The following CEP63 variants were observed in gnomAD, a reference collection of about 807,000 sequenced individuals.
CEP63 encodes centrosomal protein of 63 kDa.
In CEP63, 84 loss-of-function variants were observed where a neutral mutation model predicts 89.1. The observed-to-expected ratio is 0.94, with a 90% CI of 0.79 to 1.13. CEP63 has a LOEUF of 1.13. CEP63 is among the 50% of genes most tolerant of loss of function. The pLI is 0.00. For missense variants in CEP63, 838 were observed against 813.3 expected (o/e 1.03, Z -0.37); for synonymous variants, 267 against 272.5 (o/e 0.98, Z 0.20).
At chr3:134,732,589 C>T in the CEP63 span, among the ~76,000 whole-genome samples, 1 of 150,936 alleles carries the variant, frequency 6.6e-6, no homozygotes, top group Non-Finnish European at 1.5e-5. Flanking sequence ...CAGAAAAAGA[C>T]CCAAAATAAT....
the CEP63 span, among the ~76,000 whole-genome samples, chr3:134,656,290 G>T: frequency 6.6e-6 from 1 of 152,198 alleles, no homozygotes; most frequent in Admixed American, 6.5e-5. Context: ...AATAGGAGGA[G>T]CTGGAAGGAG....
At chr3:134,748,754 G>A in the CEP63 span, among the ~76,000 whole-genome samples, 2 of 152,204 alleles carry the variant, frequency 1.3e-5, no homozygotes, top group Non-Finnish European at 2.9e-5. Flanking sequence ...GGGTGCTAGG[G>A]TTCTGAAGTG....
At chr3:134,632,443 TAAA>T in the CEP63 span, among the ~76,000 whole-genome samples, 1 of 151,744 alleles carries the variant, frequency 6.6e-6, no homozygotes, top group African/African-American at 2.4e-5. Flanking sequence ...AAACTAGAAG[TAAA>T]AAACAGAAAG....
At chr3:134,636,514 A>G in the CEP63 span, among the ~76,000 whole-genome samples, 3 of 152,330 alleles carry the variant, frequency 2.0e-5, no homozygotes, top group East Asian at 5.8e-4. Flanking sequence ...GCCAGGTTGT[A>G]GATGAGAGCC....
the CEP63 span, among the ~76,000 whole-genome samples, chr3:134,743,413 G>A: frequency 8.7e-4 from 133 of 152,222 alleles, 1 homozygote; most frequent in East Asian, 0.025. Flanking sequence ...AGGCTGGGAG[G>A]GCTCCTGACA....
the CEP63 span, among the ~76,000 whole-genome samples, chr3:134,696,389 G>A: frequency 6.6e-6 from 1 of 152,174 alleles, no homozygotes; most frequent in Non-Finnish European, 1.5e-5. Context: ...AATGTCTCAG[G>A]GCTGTTGGTT....
intron 10 of CEP63, 37 bp from the exon 11 acceptor site, chr3:134,550,026 C>T (rs1263374302): frequency 6.8e-7 from 1 of 1,470,610 alleles, no homozygotes; most frequent in East Asian, 2.3e-5. Context: ...AATGCTTTCT[C>T]TTAACTTTTG....
In CEP63 at chr3:134,562,331, C is replaced by T. The variant is rs906571782; in HGVS notation, c.*796C>T. On this transcript the variant is annotated 3_prime_UTR_variant, in exon 15 of 15. Transcript: ENST00000675561. ...TGTGGAGAGAGAGAGGAGCAGGAGG[C>T]TGGGTTTGGGGCCCTGAAAGATGCC... is the stretch of plus-strand genomic sequence containing the variant. 1.6e-6 allele frequency: 1 copy of T among 643,054 alleles called. No individual in the cohort carries two copies. Among genetic ancestry groups the T allele is most frequent in the African/African-American group, 2.0e-5 (1 of 50,438 alleles). 39.8% of individuals were successfully genotyped at this position (643,054 alleles called of 1,614,324 possible). A position where few individuals can be genotyped will look rare whatever the true frequency, so the allele number is the denominator to read the frequency against.
chr3:134,777,549 G>T, the CEP63 span, among the ~76,000 whole-genome samples: 1 of 151,386 alleles, frequency 6.6e-6, no homozygotes, highest in East Asian at 1.9e-4. Flanking sequence ...CATGGAAATG[G>T]TGAGTATTGT....
the CEP63 span, among the ~76,000 whole-genome samples, chr3:134,697,302 C>T: frequency 6.6e-6 from 1 of 152,038 alleles, no homozygotes; most frequent in Admixed American, 6.5e-5. Context: ...AAGAGATAAG[C>T]TTAGTGTTGG....
chr3:134,579,061 C>T (rs1381747703), downstream of CEP63, among the ~76,000 whole-genome samples: 1 of 152,246 alleles, frequency 6.6e-6, no homozygotes, highest in Non-Finnish European at 1.5e-5. Context: ...CTGGCCCCCA[C>T]ACCATTTCTT....
chr3:134,778,137 A>G, the CEP63 span, among the ~76,000 whole-genome samples: 1 of 143,142 alleles, frequency 7.0e-6, no homozygotes, highest in African/African-American at 2.6e-5. Flanking sequence ...CCCTCTTGTC[A>G]TCCAGGCTGG....
intron 5 of CEP63, chr3:134,535,382 C>T (rs1950572468): frequency 6.6e-6 from 1 of 152,198 alleles, no homozygotes; most frequent in Admixed American, 6.6e-5. Context: ...ACTCCTTAAC[C>T]ACTTTCTTGA....
intron 11 of CEP63, among the ~76,000 whole-genome samples, chr3:134,571,010 A>G (rs1957986874): frequency 6.6e-6 from 1 of 152,370 alleles, no homozygotes; most frequent in East Asian, 1.9e-4. Flanking sequence ...TGTCATGAGA[A>G]CAGCACAAGA....
At chr3:134,661,316 C>T in the CEP63 span, among the ~76,000 whole-genome samples, 1 of 152,216 alleles carries the variant, frequency 6.6e-6, no homozygotes, top group East Asian at 1.9e-4. Context: ...AACCATCAGC[C>T]AACCCCACCT....
At chr3:134,730,159 A>G in the CEP63 span, among the ~76,000 whole-genome samples, 2 of 152,214 alleles carry the variant, frequency 1.3e-5, no homozygotes, top group African/African-American at 2.4e-5. Flanking sequence ...ATATTTAACT[A>G]TATATAACTT....
the CEP63 span, among the ~76,000 whole-genome samples, chr3:134,649,150 A>G: frequency 1.6e-3 from 243 of 152,324 alleles, no homozygotes; most frequent in Non-Finnish European, 3.0e-3. Context: ...ACTGTCATTC[A>G]TAGCATCGGT....
At chr3:134,729,968 A>G in the CEP63 span, among the ~76,000 whole-genome samples, 1 of 152,174 alleles carries the variant, frequency 6.6e-6, no homozygotes, top group Non-Finnish European at 1.5e-5. Flanking sequence ...GCTTGCAAAA[A>G]AGGAATGATG....
At position 134,537,160 on chromosome 3, in the gene CEP63, C is replaced by T; in HGVS notation, c.447C>T (p.Phe149=). Residue 149 remains phenylalanine, a synonymous_variant, in exon 6 of 15, where the codon TTC becomes TTT. Coordinates refer to ENST00000675561, the MANE Select transcript of CEP63 (RefSeq NM_001353108.3). ...IERLTAKIEE[F]RQKSLDWEKQ... ...TACTCTAATTGCCTCCTCAGGAATT[C>T]CGTCAGAAATCGCTGGACTGGGAGA... 3 of 1,609,248 alleles carry T rather than the reference C, an allele frequency of 1.9e-6. No homozygotes were observed. Among genetic ancestry groups the T allele is most frequent in the Admixed American group, 3.3e-5 (2 of 60,002 alleles).
Sources: allele counts gnomAD v4.1 joint callset (sites outside exome capture counted in the v4.1 genomes callset), GRCh38; gene constraint gnomAD v4.1.1; transcripts MANE v1.5; gene names NCBI Gene and HGNC (gene_info 2026-07-23, HGNC 2026-07-21).